The following KIF14 variants were observed in gnomAD, a reference collection of about 807,000 sequenced individuals.
The protein encoded by KIF14 is kinesin-like protein KIF14.
KIF14 carries 98 observed loss-of-function variants against 176.2 expected under a neutral mutation model. That is an observed-to-expected ratio of 0.56 (90% confidence interval 0.47 to 0.66). The LOEUF is 0.66. Among genes scored for constraint, KIF14 ranks in the 30% least tolerant of loss-of-function variants. The pLI is 0.00. For missense variants in KIF14, 1,751 were observed against 1,920.4 expected (o/e 0.91, Z 1.65); for synonymous variants, 566 against 632.2 (o/e 0.90, Z 1.57).
In KIF14 at chr1:200,620,539, G is replaced by C. The variant is rs1272362363; in HGVS notation, c.-244C>G. The C allele has an allele frequency of 6.6e-6, 1 of 152,322 alleles. No individual in the cohort carries two copies. The highest frequency in any genetic ancestry group is 1.5e-5 in the Non-Finnish European group (1 of 68,114). 9.4% of individuals were successfully genotyped at this position (152,322 alleles called of 1,614,324 possible). ...TTCGTTCGGGGACCCCTTCGCCGCC[G>C]ACCTGGAATGCTGAGGAACTGAATG... is the stretch of plus-strand genomic sequence containing the variant. On this transcript the variant is annotated 5_prime_UTR_variant, in exon 1 of 30. Transcript: ENST00000367350.
At chr1:200,597,829 T>C (rs1417305778) in intron 14 of KIF14, among the ~76,000 whole-genome samples, 1 of 152,224 alleles carries the variant, frequency 6.6e-6, no homozygotes, top group Non-Finnish European at 1.5e-5. Context: ...AAAGTTTACA[T>C]ACGCTATCAT....
At position 200,586,246 on chromosome 1, in the gene KIF14, T is replaced by C; in HGVS notation, c.3115-19A>G. 1.3e-6 allele frequency: 2 copies of C among 1,542,548 alleles called. No individual in the cohort carries two copies. The highest frequency in any genetic ancestry group is 4.6e-5 in the East Asian group (2 of 43,472). The stretch of plus-strand genomic sequence containing the variant: ...CTAAAGCCTAATTGATATTCATTCA[T>C]ACAGACCCACATGTGAGAATATGCA... On this transcript the variant is annotated intron_variant, in intron 18 of 29. Coordinates refer to ENST00000367350, the MANE Select transcript of KIF14 (RefSeq NM_014875.3).
At position 200,554,734 on chromosome 1, in the gene KIF14, C is replaced by T; in HGVS notation, c.4429-128G>A. The T allele has an allele frequency of 1.1e-5, 6 of 543,524 alleles. 1 individual carries two copies. In the South Asian group the frequency reaches 1.8e-4, roughly 17 times the overall value. 33.7% of individuals were successfully genotyped at this position (543,524 alleles called of 1,614,324 possible). Reference sequence around the variant, plus strand: ...AGAGAGTTTAATTTCCTCACCAGTGCTTAACTCTATTTCTATAAGCAAGAC... The same window carrying T: ...AGAGAGTTTAATTTCCTCACCAGTGTTTAACTCTATTTCTATAAGCAAGAC... On this transcript the variant is annotated intron_variant, in intron 28 of 29. Coordinates refer to ENST00000367350, the MANE Select transcript of KIF14 (RefSeq NM_014875.3).
intron 10 of KIF14, among the ~76,000 whole-genome samples, chr1:200,602,794 C>T (rs553808841): frequency 6.6e-6 from 1 of 152,304 alleles, no homozygotes; most frequent in East Asian, 1.9e-4. Context: ...GTATTAGTCA[C>T]TGTGTAGTAA....
rs752066194 is a variant in KIF14, at chr1:200,598,393, T to C, written c.2393A>G (p.Asn798Ser). Reference sequence around the variant, plus strand: ...CAGATTAACAAGGTTTGGTAAATGATTGTCCATTTGAAACATAATTCCTGC... The same window carrying C: ...CAGATTAACAAGGTTTGGTAAATGACTGTCCATTTGAAACATAATTCCTGC... The part of the protein sequence containing the change: ...QKAGIMFQMD[N>S]HLPNLVNLNE... Residue 798 changes from asparagine to serine, a missense_variant, in exon 14 of 30, where the codon AAT becomes AGT. By Grantham distance (46) the Asn-to-Ser change is conservative (BLOSUM62 1). Coordinates refer to ENST00000367350, the MANE Select transcript of KIF14 (RefSeq NM_014875.3). 22 of 1,608,868 alleles carry C rather than the reference T, an allele frequency of 1.4e-5. No homozygotes were observed. Among genetic ancestry groups the C allele is most frequent in the African/African-American group, 2.7e-5 (2 of 74,650 alleles).
intron 23 of KIF14, among the ~76,000 whole-genome samples, chr1:200,567,501 T>C (rs1485014699): frequency 7.2e-6 from 1 of 138,680 alleles, no homozygotes; most frequent in African/African-American, 2.7e-5. Flanking sequence ...GCCACTGCAC[T>C]CCAGCCTGGG....
At chr1:200,605,120 T>G (rs944377877) in intron 8 of KIF14, among the ~76,000 whole-genome samples, 163 bp downstream of exon 8, 6 of 152,214 alleles carry the variant, frequency 3.9e-5, no homozygotes, top group African/African-American at 1.4e-4. Flanking sequence ...AACATGAAAC[T>G]TAAATGTATT....
At chr1:200,616,200 T>G (rs1465923006) in intron 2 of KIF14, among the ~76,000 whole-genome samples, 1 of 152,154 alleles carries the variant, frequency 6.6e-6, no homozygotes, top group Non-Finnish European at 1.5e-5. Flanking sequence ...CATCACTCTT[T>G]GTCTGGCTCC....
Position 200,585,323 on chromosome 1 carries a change from C to A in KIF14, c.3241+778G>T, listed in dbSNP as rs145880368. On this transcript the variant is annotated intron_variant, in intron 19 of 29. Transcript: ENST00000367350. ...AATCATTTTGCAATATATGTAAAAA[C>A]ATCATGTTGTACATCTTAAATATAC... Among the ~76,000 whole-genome samples, 70 of 148,810 alleles carry A rather than the reference C, an allele frequency of 4.7e-4. 1 individual carries two copies. The East Asian group carries it at 0.013, about 28-fold the overall frequency.
rs758791016 is a variant in KIF14, at chr1:200,603,954, G to C, written c.1748C>G (p.Thr583Arg). ...VFTLVMTQTK[T>R]EFVEGEEHDH... Reference sequence around the variant, plus strand: ...GTGTTCTTCCCCTTCCACAAATTCTGTCTACAGCAAAATGATATTAAATTA... The same window carrying C: ...GTGTTCTTCCCCTTCCACAAATTCTCTCTACAGCAAAATGATATTAAATTA... The change falls in exon 9 of 30, where the codon ACA becomes AGA. Residue 583 changes from threonine (T) to arginine (R), a missense_variant and splice_region_variant. Physicochemically the swap from Thr to Arg is moderately conservative, Grantham distance 71. Transcript: ENST00000367350. 4 of 1,573,952 alleles carry C rather than the reference G, an allele frequency of 2.5e-6. No homozygotes were observed. Among genetic ancestry groups the C allele is most frequent in the Non-Finnish European group, 3.5e-6 (4 of 1,143,668 alleles).
At chr1:200,598,183 G>T in intron 14 of KIF14, 54 bp downstream of exon 14, 1 of 1,484,626 alleles carries the variant, frequency 6.7e-7, no homozygotes, top group Non-Finnish European at 9.2e-7. Flanking sequence ...GAAACCACAT[G>T]TTATCAAGAT....
At position 200,560,645 on chromosome 1, in the gene KIF14, T is replaced by C. The variant is rs917857867; in HGVS notation, c.4230+77A>G. On this transcript the variant is annotated intron_variant, in intron 26 of 29. Transcript: ENST00000367350. ...TTGAAAACTTAAAAAGAACTTGCCA[T>C]GTTTAGTACTGTACTATTATCAAAA... The C allele has an allele frequency of 2.9e-6, 4 of 1,385,954 alleles. No homozygotes were observed. In the African/African-American group the frequency reaches 5.8e-5, roughly 20 times the overall value. 85.9% of individuals were successfully genotyped at this position (1,385,954 alleles called of 1,614,324 possible).
chr1:200,555,457 A>G lies in KIF14; in HGVS notation c.4354-3T>C. On this transcript the variant is annotated splice_polypyrimidine_tract_variant and splice_region_variant and intron_variant, in intron 27 of 29. Transcript: ENST00000367350. ...TTAGTTTTCATTTCTTTGGTAACCT[A>G]TAGAGAATGTTAAAATATTTTATTA... 2.0e-6 allele frequency: 3 copies of G among 1,473,594 alleles called. No individual in the cohort carries two copies. In the South Asian group the frequency reaches 3.8e-5, roughly 19 times the overall value. 91.3% of individuals were successfully genotyped at this position (1,473,594 alleles called of 1,614,324 possible).
intron 23 of KIF14, among the ~76,000 whole-genome samples, chr1:200,567,581 C>T (rs1030251156): frequency 2.7e-5 from 4 of 148,738 alleles, no homozygotes; most frequent in Non-Finnish European, 4.5e-5. Flanking sequence ...ACAGTTAATA[C>T]AGCACATCTG....
chr1:200,605,201 G>C, intron 8 of KIF14, 82 bp downstream of exon 8: 1 of 1,336,998 alleles, frequency 7.5e-7, no homozygotes, highest in Non-Finnish European at 1.1e-6. Context: ...AATGAGATCG[G>C]GAACTTTTTA....
chr1:200,599,970 A>C (rs1393541400), intron 13 of KIF14, 80 bp downstream of exon 13: 1 of 790,468 alleles, frequency 1.3e-6, no homozygotes, highest in Non-Finnish European at 2.1e-6. Flanking sequence ...TTAAATTTAC[A>C]TGCATTGGCA....
At chr1:200,594,616 C>T (rs1011852523) in intron 14 of KIF14, among the ~76,000 whole-genome samples, 1 of 151,984 alleles carries the variant, frequency 6.6e-6, no homozygotes, top group Non-Finnish European at 1.5e-5. Flanking sequence ...TAAGGTGATA[C>T]TGTGGAAAAT....
intron 2 of KIF14, among the ~76,000 whole-genome samples, chr1:200,617,121 C>T (rs1660441446): frequency 6.6e-6 from 1 of 152,164 alleles, no homozygotes; most frequent in Admixed American, 6.5e-5. Context: ...GTGTGCAACA[C>T]CATGCCCAGC....
chr1:200,605,391 CT>C lies in KIF14; in HGVS notation c.1639-2del. On this transcript the variant is annotated splice_acceptor_variant, in intron 7 of 29. Transcript: ENST00000367350. LOFTEE classifies it high-confidence loss of function. ...GTTTATTTCCCAATTCTAGCCAACT[CT>C]TATAAGAAAAAAGGAAGGAAGATCA... 6.2e-7 allele frequency: 1 copy of C among 1,604,428 alleles called. No homozygotes were observed. Among genetic ancestry groups the C allele is most frequent in the Non-Finnish European group, 8.5e-7 (1 of 1,173,476 alleles).
Sources: allele counts gnomAD v4.1 joint callset (sites outside exome capture counted in the v4.1 genomes callset), GRCh38; gene constraint gnomAD v4.1.1; transcripts MANE v1.5; gene names NCBI Gene and HGNC (gene_info 2026-07-23, HGNC 2026-07-21).